SLC1A1: variants seen among roughly 807,000 people sequenced by gnomAD.
SLC1A1 encodes excitatory amino acid transporter 3.
In SLC1A1, 43 loss-of-function variants were observed where a neutral mutation model predicts 53.3. The ratio of observed to expected loss-of-function variants is 0.81; its 90% CI spans 0.63 to 1.04. SLC1A1 has a LOEUF of 1.04. Ranked by LOEUF, SLC1A1 falls within the 50% of genes least tolerant of loss-of-function variation. The pLI is 0.00. For missense variants in SLC1A1, 748 were observed against 664.9 expected (o/e 1.12, Z -1.37); for synonymous variants, 307 against 243.2 (o/e 1.26, Z -2.44).
intron 1 of SLC1A1, among the ~76,000 whole-genome samples, chr9:4,505,344 C>A (rs947397527): frequency 3.9e-5 from 6 of 152,100 alleles, no homozygotes; most frequent in Non-Finnish European, 8.8e-5. Flanking sequence ...CCACCGCACC[C>A]GGCCCATATT....
At chr9:4,562,161 T>C (rs1332935341) in intron 3 of SLC1A1, among the ~76,000 whole-genome samples, 1 of 148,514 alleles carries the variant, frequency 6.7e-6, no homozygotes, top group Admixed American at 6.8e-5. Flanking sequence ...AACCTCTGCC[T>C]CCTGGGTTCA....
At chr9:4,503,449 C>A (rs1013960266) in intron 1 of SLC1A1, among the ~76,000 whole-genome samples, 6 of 151,852 alleles carry the variant, frequency 4.0e-5, no homozygotes, top group African/African-American at 1.5e-4. Flanking sequence ...TCCACAATCA[C>A]TAACATGATC....
chr9:4,521,353 G>C (rs1481925251), intron 1 of SLC1A1, among the ~76,000 whole-genome samples: 1 of 152,158 alleles, frequency 6.6e-6, no homozygotes, highest in Non-Finnish European at 1.5e-5. Context: ...ATGGAGTTTG[G>C]GGGTGAGAAG....
chr9:4,505,016 G>A (rs964578660), intron 1 of SLC1A1, among the ~76,000 whole-genome samples: 3 of 150,884 alleles, frequency 2.0e-5, no homozygotes, highest in Admixed American at 6.6e-5. Context: ...TCGTGTGTGC[G>A]ATGTGGGGGT....
chr9:4,501,510 A>G (rs1820630940), intron 1 of SLC1A1, among the ~76,000 whole-genome samples: 1 of 151,682 alleles, frequency 6.6e-6, no homozygotes, highest in African/African-American at 2.4e-5. Context: ...CACGCCTGTA[A>G]TCCCAGAACT....
chr9:4,516,100 T>A (rs1259219285), intron 1 of SLC1A1, among the ~76,000 whole-genome samples: 2 of 152,188 alleles, frequency 1.3e-5, no homozygotes, highest in Non-Finnish European at 2.9e-5. Flanking sequence ...ATTCCTCTTT[T>A]GTGAGTTGCC....
chr9:4,582,993 G>T, intron 10 of SLC1A1, 45 bp from the exon 11 acceptor site: 1 of 1,613,280 alleles, frequency 6.2e-7, no homozygotes, highest in Non-Finnish European at 8.5e-7. Context: ...GCTTTAACGG[G>T]AGAGGTAAGT....
chr9:4,577,666 G>T (rs1210572043), intron 10 of SLC1A1, among the ~76,000 whole-genome samples: 2 of 152,012 alleles, frequency 1.3e-5, no homozygotes, highest in Admixed American at 6.6e-5. Context: ...AGTAGAGATG[G>T]GTTTCACCAT....
At chr9:4,526,234 G>T (rs1222941902) in intron 1 of SLC1A1, among the ~76,000 whole-genome samples, 2 of 152,126 alleles carry the variant, frequency 1.3e-5, no homozygotes, top group African/African-American at 2.4e-5. Context: ...TAGATGGAAA[G>T]AATTTATTAG....
At chr9:4,557,778 C>T (rs1044657627) in intron 2 of SLC1A1, among the ~76,000 whole-genome samples, 3 of 152,188 alleles carry the variant, frequency 2.0e-5, no homozygotes, top group Non-Finnish European at 4.4e-5. Context: ...GGAAGCTCTA[C>T]TGGGCAGCGC....
At chr9:4,506,013 AG>A (rs1820797366) in intron 1 of SLC1A1, among the ~76,000 whole-genome samples, 2 of 152,092 alleles carry the variant, frequency 1.3e-5, no homozygotes, top group African/African-American at 4.8e-5. Flanking sequence ...TTTAGTAGAG[AG>A]GGGGTTTCAC....
At chr9:4,499,323 G>A (rs1820555533) in intron 1 of SLC1A1, among the ~76,000 whole-genome samples, 1 of 152,082 alleles carries the variant, frequency 6.6e-6, no homozygotes, top group South Asian at 2.1e-4. Flanking sequence ...GGGATTACAG[G>A]CATGAGTCAC....
intron 1 of SLC1A1, among the ~76,000 whole-genome samples, chr9:4,501,541 G>C (rs1244770994): frequency 1.3e-5 from 2 of 151,654 alleles, no homozygotes; most frequent in African/African-American, 4.9e-5. Flanking sequence ...GAGGTGGGCA[G>C]ATCACCTGAG....
intron 1 of SLC1A1, among the ~76,000 whole-genome samples, chr9:4,526,761 T>C (rs1453768286): frequency 6.6e-6 from 1 of 152,162 alleles, no homozygotes; most frequent in African/African-American, 2.4e-5. Context: ...ATGAGGTTTT[T>C]ACTCATGTGG....
At chr9:4,536,675 T>C (rs574490465) in intron 1 of SLC1A1, among the ~76,000 whole-genome samples, 3 of 152,310 alleles carry the variant, frequency 2.0e-5, no homozygotes, top group East Asian at 1.9e-4. Flanking sequence ...CCATTTGACC[T>C]GGCAATCCCA....
chr9:4,557,427 G>T (rs1818516600), intron 2 of SLC1A1, among the ~76,000 whole-genome samples: 1 of 152,122 alleles, frequency 6.6e-6, no homozygotes, highest in Non-Finnish European at 1.5e-5. Flanking sequence ...ACACTGGTAG[G>T]GTCTAGAGAG....
chr9:4,520,804 T>C lies in SLC1A1; in HGVS notation c.92-23763T>C, dbSNP rs532976874. ...CTAGGCATGCAATTGCTGGGTCACATGGTAACTCTATGTTTAATTTTTGAG... is the reference window on the plus strand; with the variant it reads ...CTAGGCATGCAATTGCTGGGTCACACGGTAACTCTATGTTTAATTTTTGAG... On this transcript the variant is annotated intron_variant, in intron 1 of 11. Transcript: ENST00000262352. Among the ~76,000 whole-genome samples, 4 of 152,340 alleles carry C rather than the reference T, an allele frequency of 2.6e-5. No homozygotes were observed. In the East Asian group the frequency reaches 7.7e-4, roughly 29 times the overall value.
rs190585370 is a variant in SLC1A1 at position 4,571,601 on chromosome 9, C to T, written c.583-603C>T. On this transcript the variant is annotated intron_variant, in intron 6 of 11. Coordinates refer to ENST00000262352, the MANE Select transcript of SLC1A1 (RefSeq NM_004170.6). The stretch of plus-strand genomic sequence containing the variant: ...CTGAGGCAGGAGAATTGCTTGAACC[C>T]GGGAGGTGGAGGTTGCAGTGAACTG... Among the ~76,000 whole-genome samples, 14 of 152,162 alleles carry T rather than the reference C, an allele frequency of 9.2e-5. No homozygotes were observed. The East Asian group carries it at 1.2e-3, about 13-fold the overall frequency.
At chr9:4,526,557 T>A (rs191493016) in intron 1 of SLC1A1, among the ~76,000 whole-genome samples, 1 of 152,210 alleles carries the variant, frequency 6.6e-6, no homozygotes, top group Non-Finnish European at 1.5e-5. Flanking sequence ...TCAACCATAA[T>A]GTTTTATTTG....
Sources: allele counts gnomAD v4.1 joint callset (sites outside exome capture counted in the v4.1 genomes callset), GRCh38; gene constraint gnomAD v4.1.1; transcripts MANE v1.5; gene names NCBI Gene and HGNC (gene_info 2026-07-23, HGNC 2026-07-21).